Variants in GALNT13 observed in about 807,000 individuals in gnomAD.
The protein encoded by GALNT13 is polypeptide N-acetylgalactosaminyltransferase 13, also known as UDP-GalNAc:polypeptide N-acetylgalactosaminyltransferase 13.
A neutral mutation model predicts 64.2 loss-of-function variants in GALNT13; 28 were observed. That is an observed-to-expected ratio of 0.44 (90% CI 0.32 to 0.60). GALNT13 has a LOEUF of 0.60. Among genes scored for constraint, GALNT13 ranks in the 20% least tolerant of loss-of-function variants. The pLI is 0.05. For synonymous variants in GALNT13, 214 were observed against 224.6 expected (o/e 0.95, Z 0.42); for missense variants, 577 against 669.8 (o/e 0.86, Z 1.53).
chr2:153,522,348 A>G, the GALNT13 span, among the ~76,000 whole-genome samples: 71 of 151,640 alleles, frequency 4.7e-4, no homozygotes, highest in Admixed American at 5.3e-4. Flanking sequence ...GAAAAAAATA[A>G]AGAGAGAGAG....
At chr2:154,319,316 T>C (rs917469873) in intron 9 of GALNT13, among the ~76,000 whole-genome samples, 1 of 152,216 alleles carries the variant, frequency 6.6e-6, no homozygotes, top group African/African-American at 2.4e-5. Context: ...TACAAATTAC[T>C]GAACAATTCT....
intron 4 of GALNT13, among the ~76,000 whole-genome samples, chr2:154,153,654 C>A (rs1170412210): frequency 6.6e-6 from 1 of 152,208 alleles, no homozygotes; most frequent in Non-Finnish European, 1.5e-5. Flanking sequence ...CCTCTCCCAG[C>A]CTGGCTGCCA....
the GALNT13 span, among the ~76,000 whole-genome samples, chr2:153,697,914 C>A: frequency 6.6e-6 from 1 of 151,916 alleles, no homozygotes; most frequent in South Asian, 2.1e-4. Context: ...ATGACTTAGG[C>A]CCAAGAAGAA....
At chr2:153,770,569 T>TG in the GALNT13 span, among the ~76,000 whole-genome samples, 1 of 152,242 alleles carries the variant, frequency 6.6e-6, no homozygotes, top group South Asian at 2.1e-4. Flanking sequence ...GTGGTGCTCA[T>TG]GGGTAAGAGC....
chr2:154,280,059 T>TA (rs370033625), intron 8 of GALNT13, among the ~76,000 whole-genome samples: 134 of 152,292 alleles, frequency 8.8e-4, no homozygotes, highest in African/African-American at 3.0e-3. Flanking sequence ...CTTACAGCTT[T>TA]AAAAAATAAT....
At chr2:153,265,362 A>T in the GALNT13 span, among the ~76,000 whole-genome samples, 1 of 152,092 alleles carries the variant, frequency 6.6e-6, no homozygotes, top group African/African-American at 2.4e-5. Context: ...GCTGGAATGG[A>T]CAATTTGCCT....
the GALNT13 span, among the ~76,000 whole-genome samples, chr2:153,602,091 T>G: frequency 2.0e-5 from 3 of 151,768 alleles, no homozygotes; most frequent in South Asian, 2.1e-4. Context: ...AAAGAGCAAA[T>G]GGGGATTTAA....
chr2:154,294,563 T>A (rs2105968756), intron 8 of GALNT13, among the ~76,000 whole-genome samples: 1 of 152,306 alleles, frequency 6.6e-6, no homozygotes, highest in South Asian at 2.1e-4. Flanking sequence ...GACAGACAGA[T>A]TCACAAAAGG....
chr2:154,175,747 C>G (rs1355086859), intron 4 of GALNT13, among the ~76,000 whole-genome samples: 1 of 151,994 alleles, frequency 6.6e-6, no homozygotes, highest in Non-Finnish European at 1.5e-5. Flanking sequence ...GGAAAATTAT[C>G]TCTATCTTGA....
At chr2:153,961,478 AGT>A (rs74893231) in intron 3 of GALNT13, among the ~76,000 whole-genome samples, 27,827 of 152,006 alleles carry the variant, frequency 0.18, 4,668 homozygotes, top group East Asian at 0.74. Context: ...CAAATGCATT[AGT>A]TAGTGTAAAG....
intron 4 of GALNT13, among the ~76,000 whole-genome samples, chr2:154,175,593 A>ACC (rs1235174076): frequency 6.6e-6 from 1 of 152,148 alleles, no homozygotes; most frequent in Non-Finnish European, 1.5e-5. Flanking sequence ...TTTAAATGCC[A>ACC]CAGGCTCCTT....
chr2:153,746,597 C>T, the GALNT13 span, among the ~76,000 whole-genome samples: 2 of 152,042 alleles, frequency 1.3e-5, no homozygotes, highest in Admixed American at 1.3e-4. Flanking sequence ...CTGCTATGAA[C>T]ATTTTAGTAC....
chr2:153,861,139 A>C, the GALNT13 span, among the ~76,000 whole-genome samples: 1 of 152,228 alleles, frequency 6.6e-6, no homozygotes, highest in Non-Finnish European at 1.5e-5. Context: ...TTAAAAATGC[A>C]AGGACTTAGA....
At chr2:154,093,475 T>C (rs1288502729) in intron 3 of GALNT13, among the ~76,000 whole-genome samples, 1 of 151,976 alleles carries the variant, frequency 6.6e-6, no homozygotes, top group Non-Finnish European at 1.5e-5. Flanking sequence ...GAATCGAGCA[T>C]AGTTGTGGTG....
At chr2:153,913,911 A>G (rs1558850123) in intron 2 of GALNT13, among the ~76,000 whole-genome samples, 1 of 152,132 alleles carries the variant, frequency 6.6e-6, no homozygotes, top group Non-Finnish European at 1.5e-5. Flanking sequence ...CTAGTTGGCC[A>G]TCTTGGGGTA....
intron 7 of GALNT13, among the ~76,000 whole-genome samples, chr2:154,256,323 T>TAGCAAGGAACCAA (rs1690372167): frequency 6.6e-6 from 1 of 151,972 alleles, no homozygotes; most frequent in African/African-American, 2.4e-5. Context: ...GTTCCTAAGC[T>TAGCAAGGAACCAA]AGTGTTTTGC....
chr2:153,927,062 TC>T (rs1690193358), intron 2 of GALNT13, among the ~76,000 whole-genome samples: 1 of 152,062 alleles, frequency 6.6e-6, no homozygotes, highest in Non-Finnish European at 1.5e-5. Context: ...AAGTCTTTTC[TC>T]AATATGGGGT....
chr2:154,037,812 G>A (rs886817465), intron 3 of GALNT13, among the ~76,000 whole-genome samples: 2 of 152,096 alleles, frequency 1.3e-5, no homozygotes, highest in Non-Finnish European at 2.9e-5. Flanking sequence ...GGAGGTGAAA[G>A]ATCTCTACAA....
chr2:153,580,201 TAGGTTTTTCTCCAA>T, the GALNT13 span, among the ~76,000 whole-genome samples: 1 of 152,170 alleles, frequency 6.6e-6, no homozygotes, highest in Non-Finnish European at 1.5e-5. Context: ...ATGTGGATCC[TAGGTTTTTCTCCAA>T]AGTAACGAAT....
Sources: gnomAD v4.1 joint callset for allele counts (sites outside exome capture counted in the v4.1 genomes callset) on GRCh38, gnomAD v4.1.1 for gene constraint, MANE v1.5 for transcripts, NCBI Gene and HGNC (gene_info 2026-07-23, HGNC 2026-07-21) for gene names.